Variants in SLC4A10 observed in about 807,000 individuals in gnomAD.
SLC4A10 encodes sodium-driven chloride bicarbonate exchanger.
SLC4A10 carries 42 observed loss-of-function variants against 137.7 expected under a neutral mutation model. The observed-to-expected ratio is 0.30, with a 90% CI of 0.24 to 0.39. The LOEUF (loss-of-function observed/expected upper bound fraction) is 0.39. Ranked by LOEUF, SLC4A10 falls within the 10% of genes least tolerant of loss-of-function variation. The probability of loss-of-function intolerance (pLI) is 1.00; values close to 1 mark genes in which losing one functional copy is unlikely to be tolerated. For synonymous variants in SLC4A10, 474 were observed against 464.1 expected (o/e 1.02, Z -0.27); for missense variants, 925 against 1,355.0 (o/e 0.68, Z 4.98).
At chr2:161,883,140 T>A (rs2061942267) in intron 10 of SLC4A10, among the ~76,000 whole-genome samples, 2 of 152,132 alleles carry the variant, frequency 1.3e-5, no homozygotes, top group Admixed American at 1.3e-4. Context: ...ATTATGGAAA[T>A]TTGTTGTTAT....
At chr2:161,732,301 C>G (rs2046902913) in intron 1 of SLC4A10, among the ~76,000 whole-genome samples, 1 of 152,192 alleles carries the variant, frequency 6.6e-6, no homozygotes, top group Non-Finnish European at 1.5e-5. Flanking sequence ...GACTAGCCTC[C>G]ATCCTGAAGC....
At position 161,772,846 on chromosome 2, in the gene SLC4A10, G is replaced by A. The variant is rs1275576529; in HGVS notation, c.130+1792G>A. Among the ~76,000 whole-genome samples, 3 of 151,830 alleles carry A rather than the reference G, an allele frequency of 2.0e-5. No homozygotes were observed. In the East Asian group the frequency reaches 5.8e-4, roughly 29 times the overall value. ...TGAAGATGCTATTGAGGGTTCTGTTGTGATGCATGCAAAAATTTAATAGAT... is the reference window on the plus strand; with the variant it reads ...TGAAGATGCTATTGAGGGTTCTGTTATGATGCATGCAAAAATTTAATAGAT... On this transcript the variant is annotated intron_variant, in intron 2 of 26. Coordinates refer to ENST00000446997, the MANE Select transcript of SLC4A10 (RefSeq NM_001178015.2).
intron 12 of SLC4A10, 21 bp downstream of exon 12, chr2:161,901,032 T>C: frequency 6.6e-7 from 1 of 1,519,876 alleles, no homozygotes; most frequent in Non-Finnish European, 9.0e-7. Context: ...ATCACTTCTA[T>C]GGGACTTCAA....
chr2:161,746,952 G>A (rs184918059), intron 1 of SLC4A10, among the ~76,000 whole-genome samples: 54 of 152,156 alleles, frequency 3.5e-4, no homozygotes, highest in African/African-American at 1.2e-3. Context: ...AGCTGGTATC[G>A]CAGTTGCAAG....
At chr2:161,699,310 G>A (rs748558985) in intron 1 of SLC4A10, among the ~76,000 whole-genome samples, 60 of 152,154 alleles carry the variant, frequency 3.9e-4, no homozygotes, top group African/African-American at 9.6e-4. Flanking sequence ...GTGAGCCACC[G>A]CACCCGGCCG....
intron 21 of SLC4A10, among the ~76,000 whole-genome samples, chr2:161,963,714 G>A (rs1339446692): frequency 6.6e-6 from 1 of 152,162 alleles, no homozygotes; most frequent in Admixed American, 6.6e-5. Context: ...CCATGGGTAT[G>A]GATGAACTAT....
chr2:161,652,607 T>A lies in SLC4A10; in HGVS notation c.48+28041T>A, dbSNP rs373116501. Among the ~76,000 whole-genome samples the A allele has an allele frequency of 2.6e-5, 4 of 152,272 alleles. No homozygotes were observed. The South Asian group carries it at 8.3e-4, about 32-fold the overall frequency. On this transcript the variant is annotated intron_variant, in intron 1 of 26. Transcript: ENST00000446997. ...TTTTTATTTTATAGTGGCAAGAATA[T>A]TAGCATGAGGTCTACCCTCAACAAA...
intron 1 of SLC4A10, among the ~76,000 whole-genome samples, chr2:161,709,074 C>T (rs543552480): frequency 2.3e-4 from 34 of 150,518 alleles, no homozygotes; most frequent in South Asian, 2.1e-3. Context: ...GGGGAGAGGG[C>T]GGTAAAGGAA....
chr2:161,663,445 G>A (rs2038682542), intron 1 of SLC4A10, among the ~76,000 whole-genome samples: 1 of 151,786 alleles, frequency 6.6e-6, no homozygotes, highest in Non-Finnish European at 1.5e-5. Context: ...CTGAGTTATC[G>A]CTTTACCTTT....
intron 11 of SLC4A10, among the ~76,000 whole-genome samples, chr2:161,895,876 T>C (rs1226367936): frequency 2.0e-5 from 3 of 152,108 alleles, no homozygotes; most frequent in Admixed American, 2.0e-4. Flanking sequence ...CTGTTCACTC[T>C]GATGGTAGTT....
intron 10 of SLC4A10, among the ~76,000 whole-genome samples, chr2:161,887,264 G>A (rs143092464): frequency 8.5e-5 from 13 of 152,188 alleles, no homozygotes; most frequent in East Asian, 1.9e-4. Flanking sequence ...GCAGTAGTAC[G>A]TTTATATCTT....
chr2:161,964,012 T>C (rs1697169079), intron 21 of SLC4A10, 123 bp from the exon 22 acceptor site: 4 of 682,636 alleles, frequency 5.9e-6, no homozygotes, highest in Non-Finnish European at 9.4e-6. Context: ...TGCCGAGATA[T>C]CAACTTAGTG....
intron 1 of SLC4A10, among the ~76,000 whole-genome samples, chr2:161,653,814 G>A (rs756802847): frequency 8.5e-5 from 13 of 152,080 alleles, no homozygotes; most frequent in Admixed American, 2.0e-4. Flanking sequence ...GATTGATTCC[G>A]CATCATGGAT....
At chr2:161,868,506 A>G (rs2060901640) in intron 6 of SLC4A10, among the ~76,000 whole-genome samples, 1 of 151,718 alleles carries the variant, frequency 6.6e-6, no homozygotes, top group Non-Finnish European at 1.5e-5. Context: ...TTCATGGTCT[A>G]TAATAACTTT....
intron 1 of SLC4A10, among the ~76,000 whole-genome samples, chr2:161,735,707 C>A (rs1253785752): frequency 6.6e-6 from 1 of 152,086 alleles, no homozygotes; most frequent in Non-Finnish European, 1.5e-5. Context: ...GGCCAGGAAC[C>A]AAAGCTAATC....
chr2:161,757,583 G>T (rs560603695), intron 1 of SLC4A10, among the ~76,000 whole-genome samples: 1 of 152,030 alleles, frequency 6.6e-6, no homozygotes, highest in South Asian at 2.1e-4. Context: ...GGAAATTGAG[G>T]CACAAAGAAC....
chr2:161,662,216 G>A (rs895569475), intron 1 of SLC4A10, among the ~76,000 whole-genome samples: 2 of 151,420 alleles, frequency 1.3e-5, no homozygotes, highest in Non-Finnish European at 2.9e-5. Context: ...TTTTTTCTAC[G>A]GTAAAAAAAA....
intron 3 of SLC4A10, among the ~76,000 whole-genome samples, chr2:161,820,116 T>C (rs2057490623): frequency 6.6e-6 from 1 of 152,172 alleles, no homozygotes; most frequent in Admixed American, 6.5e-5. Context: ...AGATACTGAA[T>C]AAATTAACAC....
chr2:161,628,331 C>T (rs966104267), intron 1 of SLC4A10, among the ~76,000 whole-genome samples: 1 of 151,954 alleles, frequency 6.6e-6, no homozygotes, highest in Middle Eastern at 3.2e-3. Flanking sequence ...TTAAGTTGAG[C>T]TTACTCATAA....
Sources: allele counts gnomAD v4.1 joint callset (sites outside exome capture counted in the v4.1 genomes callset), GRCh38; gene constraint gnomAD v4.1.1; transcripts MANE v1.5; gene names NCBI Gene and HGNC (gene_info 2026-07-23, HGNC 2026-07-21).